Variants in GRID2 observed in about 807,000 individuals in gnomAD.
GRID2 encodes the protein glutamate receptor ionotropic, delta-2.
Under a neutral mutation model 114.8 loss-of-function variants are expected in GRID2, and 33 were observed. That is an observed-to-expected ratio of 0.29 (90% CI 0.22 to 0.38). GRID2 has a LOEUF of 0.38. Ranked by LOEUF, GRID2 falls within the 10% of genes least tolerant of loss-of-function variation. The pLI is 1.00. For synonymous variants in GRID2, 505 were observed against 449.9 expected, an observed-to-expected ratio of 1.12 and a Z score of -1.55; for missense variants, 1,184 against 1,257.7, an observed-to-expected ratio of 0.94 and a Z score of 0.89.
chr4:92,519,579 T>C (rs1724668123), intron 1 of GRID2, among the ~76,000 whole-genome samples: 1 of 150,420 alleles, frequency 6.6e-6, no homozygotes, highest in South Asian at 2.1e-4. Context: ...AGGATATGCA[T>C]ATATATATCT....
intron 1 of GRID2, among the ~76,000 whole-genome samples, chr4:92,470,153 A>G (rs1355259560): frequency 6.6e-6 from 1 of 151,978 alleles, no homozygotes; most frequent in African/African-American, 2.4e-5. Context: ...AGGAGACTAG[A>G]AAAAGATACA....
intron 2 of GRID2, among the ~76,000 whole-genome samples, chr4:92,915,114 G>C (rs893231267): frequency 6.6e-6 from 1 of 152,092 alleles, no homozygotes; most frequent in Admixed American, 6.6e-5. Context: ...AGTGCTGAGC[G>C]AAGGGGGAAG....
chr4:93,476,484 G>A (rs554366735), intron 11 of GRID2, among the ~76,000 whole-genome samples: 17 of 152,122 alleles, frequency 1.1e-4, no homozygotes, highest in African/African-American at 3.4e-4. Flanking sequence ...TATTAGATAG[G>A]AAAATGCTTT....
chr4:93,229,194 G>T (rs9996492), intron 7 of GRID2, among the ~76,000 whole-genome samples: 67,490 of 151,974 alleles, frequency 0.44, 16,519 homozygotes, highest in Middle Eastern at 0.65. Context: ...TGCATCATAT[G>T]AGTGTTTTTG....
chr4:93,491,959 C>T (rs1344633582), intron 12 of GRID2, among the ~76,000 whole-genome samples: 1 of 151,842 alleles, frequency 6.6e-6, no homozygotes, highest in Non-Finnish European at 1.5e-5. Flanking sequence ...TAGTTTCTCT[C>T]ATGAAATCAT....
intron 2 of GRID2, among the ~76,000 whole-genome samples, chr4:92,881,324 C>A (rs1033757714): frequency 5.9e-5 from 9 of 152,168 alleles, no homozygotes; most frequent in Admixed American, 5.9e-4. Context: ...GGCTTCTTTT[C>A]TTTCATGATG....
chr4:92,886,593 T>A (rs1029327570), intron 2 of GRID2, among the ~76,000 whole-genome samples: 1 of 151,884 alleles, frequency 6.6e-6, no homozygotes, highest in Admixed American at 6.6e-5. Context: ...TTATTATTAT[T>A]TTAAATTTAA....
At chr4:92,523,479 T>G (rs1305451808) in intron 1 of GRID2, among the ~76,000 whole-genome samples, 1 of 151,966 alleles carries the variant, frequency 6.6e-6, no homozygotes, top group Non-Finnish European at 1.5e-5. Context: ...ACATGGAATA[T>G]TCCCAAGATA....
intron 4 of GRID2, among the ~76,000 whole-genome samples, chr4:93,156,020 T>G (rs1737152433): frequency 6.6e-6 from 1 of 151,696 alleles, no homozygotes; most frequent in Admixed American, 6.6e-5. Context: ...AGGTGATGGA[T>G]ACCCAATTAC....
At chr4:93,104,750 T>C (rs1443809951) in intron 3 of GRID2, among the ~76,000 whole-genome samples, 2 of 152,230 alleles carry the variant, frequency 1.3e-5, no homozygotes, top group Non-Finnish European at 2.9e-5. Context: ...CTATTGTGAA[T>C]AGTGCCGTGA....
intron 14 of GRID2, among the ~76,000 whole-genome samples, chr4:93,741,174 C>CATATATATATATATATATATATAT (rs376106965): frequency 9.7e-5 from 4 of 41,234 alleles, no homozygotes; most frequent in African/African-American, 2.5e-4. Context: ...TATATATATA[C>CATATATATATATATATATATATAT]ATATATATAT....
At chr4:93,521,262 G>T (rs530027979) in intron 13 of GRID2, among the ~76,000 whole-genome samples, 1 of 152,114 alleles carries the variant, frequency 6.6e-6, no homozygotes, top group African/African-American at 2.4e-5. Context: ...TACTCATTAC[G>T]CAGGCAAAGT....
chr4:93,208,320 A>G (rs536590858), intron 5 of GRID2, among the ~76,000 whole-genome samples: 2 of 152,140 alleles, frequency 1.3e-5, no homozygotes, highest in African/African-American at 4.8e-5. Context: ...AGCTGTCTTA[A>G]CATGGATATC....
At position 92,540,689 on chromosome 4, in the gene GRID2, T is replaced by C. The variant is rs376798608; in HGVS notation, c.89-49442T>C. ...GAGAAATAGGAACACTTCTACACTG[T>C]TGGTGGGACTATAAACTAGTTCAAC... On this transcript the variant is annotated intron_variant, in intron 1 of 15. Coordinates refer to ENST00000282020, the MANE Select transcript of GRID2 (RefSeq NM_001510.4). Among the ~76,000 whole-genome samples the C allele has an allele frequency of 3.3e-5, 5 of 152,170 alleles. No individual in the cohort carries two copies. The East Asian group carries it at 5.8e-4, about 18-fold the overall frequency.
chr4:92,700,602 A>G (rs1158401856), intron 2 of GRID2, among the ~76,000 whole-genome samples: 1 of 152,222 alleles, frequency 6.6e-6, no homozygotes, highest in Non-Finnish European at 1.5e-5. Flanking sequence ...TACTAGGTAC[A>G]AATATGGAAG....
intron 14 of GRID2, among the ~76,000 whole-genome samples, chr4:93,705,628 T>C (rs1326854169): frequency 6.6e-6 from 1 of 152,214 alleles, no homozygotes; most frequent in Non-Finnish European, 1.5e-5. Context: ...CCCCATTTTG[T>C]GGGTTATTTC....
intron 13 of GRID2, among the ~76,000 whole-genome samples, chr4:93,544,975 C>T (rs778624103): frequency 6.6e-6 from 1 of 152,060 alleles, no homozygotes; most frequent in Non-Finnish European, 1.5e-5. Context: ...TAAAATGATG[C>T]ATTTCAATTT....
At chr4:93,601,438 G>A (rs528301205) in intron 13 of GRID2, among the ~76,000 whole-genome samples, 5 of 151,988 alleles carry the variant, frequency 3.3e-5, no homozygotes, top group African/African-American at 1.2e-4. Flanking sequence ...CCTTTTCCTG[G>A]GGTTTACTCT....
chr4:93,132,947 G>A (rs980357901), intron 4 of GRID2, among the ~76,000 whole-genome samples: 1 of 152,150 alleles, frequency 6.6e-6, no homozygotes, highest in African/African-American at 2.4e-5. Flanking sequence ...CCTATTAGTT[G>A]AATGCTAATT....
Sources: gnomAD v4.1 joint callset for allele counts (sites outside exome capture counted in the v4.1 genomes callset) on GRCh38, gnomAD v4.1.1 for gene constraint, MANE v1.5 for transcripts, NCBI Gene and HGNC (gene_info 2026-07-23, HGNC 2026-07-21) for gene names.